SUGP2: variants seen among roughly 807,000 people sequenced by gnomAD.
SUGP2 encodes SURP and G-patch domain containing 2, also known as SURP and G-patch domain-containing protein 2.
Under a neutral mutation model 90.5 loss-of-function variants are expected in SUGP2, and 24 were observed. The observed-to-expected ratio is 0.27, with a 90% CI of 0.19 to 0.37. The LOEUF (loss-of-function observed/expected upper bound fraction) is 0.37, where lower values mean the gene tolerates loss of function less well. Among genes scored for constraint, SUGP2 ranks in the 10% least tolerant of loss-of-function variants. The pLI is 1.00. For synonymous variants in SUGP2, 473 were observed against 513.4 expected (o/e 0.92, Z 1.06); for missense variants, 1,233 against 1,363.3 (o/e 0.90, Z 1.51).
Position 19,024,614 on chromosome 19 carries a change from C to CT in SUGP2, c.1729+4dup, listed in dbSNP as rs1300934369. On this transcript the variant is annotated splice_donor_region_variant and intron_variant, in intron 3 of 10. Coordinates refer to ENST00000452918, the MANE Select transcript of SUGP2 (RefSeq NM_001017392.5). Reference sequence around the variant, plus strand: ...ACAAATAGAAACTTTGGCTGATTTCCTTACCATCACTCAGACTACTTGGAG... The same window carrying CT: ...ACAAATAGAAACTTTGGCTGATTTCCTTTACCATCACTCAGACTACTTGGAG... The CT allele has an allele frequency of 5.0e-6, 8 of 1,590,284 alleles. No individual in the cohort carries two copies. The highest frequency in any genetic ancestry group is 6.8e-6 in the Non-Finnish European group (8 of 1,168,724).
chr19:19,030,999 C>G lies in SUGP2; in HGVS notation c.73G>C (p.Asp25His). 6.2e-7 allele frequency: 1 copy of G among 1,613,872 alleles called. No homozygotes were observed. The highest frequency in any genetic ancestry group is 8.5e-7 in the Non-Finnish European group (1 of 1,179,958). The change falls in exon 2 of 11, where the codon GAT becomes CAT. Residue 25 changes from aspartate to histidine, a missense_variant. By Grantham distance (81) the Asp-to-His change is moderately conservative. This residue lies in a region of SUGP2 where 418 missense variants were observed against 399.9 expected (regional missense o/e 1.05). Coordinates refer to ENST00000452918, the MANE Select transcript of SUGP2 (RefSeq NM_001017392.5). ...TCGCTTACAGCCTCACCACTGGCATCCATGTGATATCGTTTGGCTTTTTCT... is the reference window on the plus strand; with the variant it reads ...TCGCTTACAGCCTCACCACTGGCATGCATGTGATATCGTTTGGCTTTTTCT... ...LQEKAKRYHM[D>H]ASGEAVSETL...
chr19:19,010,910 C>T (rs188838800), intron 4 of SUGP2, among the ~76,000 whole-genome samples: 6 of 151,932 alleles, frequency 3.9e-5, no homozygotes, highest in African/African-American at 1.2e-4. Context: ...GAGGCTGAGG[C>T]GGGAGGATTG....
chr19:19,009,666 G>A (rs1231683288), intron 5 of SUGP2, among the ~76,000 whole-genome samples, 189 bp downstream of exon 5: 1 of 152,162 alleles, frequency 6.6e-6, no homozygotes, highest in African/African-American at 2.4e-5. Context: ...GGAGCTGCAG[G>A]ACTCGCATGC....
At chr19:19,009,743 C>G (rs748004187) in intron 5 of SUGP2, 112 bp downstream of exon 5, 254 of 1,394,676 alleles carry the variant, frequency 1.8e-4, no homozygotes, top group Non-Finnish European at 1.9e-4. Context: ...GTCCCTAGAG[C>G]TTTTATCCAC....
intron 8 of SUGP2, among the ~76,000 whole-genome samples, chr19:18,999,462 G>A (rs1346356888): frequency 6.6e-6 from 1 of 152,182 alleles, no homozygotes; most frequent in Non-Finnish European, 1.5e-5. Flanking sequence ...CTACTCGGTG[G>A]CAGGGCTGAG....
chr19:19,030,215 C>G (rs1035265080), intron 2 of SUGP2, among the ~76,000 whole-genome samples: 1 of 151,952 alleles, frequency 6.6e-6, no homozygotes, highest in Admixed American at 6.6e-5. Flanking sequence ...CTGGGCTGGG[C>G]TCGGTGGCTC....
In SUGP2 at chr19:18,997,240, C is replaced by G. The variant is rs184356819; in HGVS notation, c.2992-1960G>C. Reference sequence around the variant, plus strand: ...GTGCATGTGGGAGGCACTCCAGAGACAAAGGAGCTTGGAGACAAGGCACAA... The same window carrying G: ...GTGCATGTGGGAGGCACTCCAGAGAGAAAGGAGCTTGGAGACAAGGCACAA... On this transcript the variant is annotated intron_variant, in intron 8 of 10. Coordinates refer to ENST00000452918, the MANE Select transcript of SUGP2 (RefSeq NM_001017392.5). Among the ~76,000 whole-genome samples, 15 of 151,880 alleles carry G rather than the reference C, an allele frequency of 9.9e-5. No individual in the cohort carries two copies. The East Asian group carries it at 2.9e-3, about 30-fold the overall frequency.
In SUGP2 at chr19:19,025,352, T is replaced by G; in HGVS notation, c.996A>C (p.Ile332=). 6.2e-7 allele frequency: 1 copy of G among 1,614,132 alleles called. No individual in the cohort carries two copies. The highest frequency in any genetic ancestry group is 8.5e-7 in the Non-Finnish European group (1 of 1,180,042). ...TGGTGTGGAATCCTGCCCATTTGAT[T>G]ATTTCTATCCCAAATCTTGAAAAAA... ...SDVFSRFGIE[I]IKWAGFHTIK... The change falls in exon 3 of 11, where the codon ATA becomes ATC. Residue 332 remains isoleucine (I), a synonymous_variant. Transcript: ENST00000452918.
intron 4 of SUGP2, among the ~76,000 whole-genome samples, chr19:19,013,821 T>G (rs1277319820): frequency 1.3e-5 from 2 of 152,178 alleles, no homozygotes; most frequent in Admixed American, 6.6e-5. Flanking sequence ...ATTTAGAAGA[T>G]GAGAGAAAAC....
In SUGP2 at chr19:19,018,483, C is replaced by T. The variant is rs144389044; in HGVS notation, c.1850+626G>A. Among the ~76,000 whole-genome samples the T allele has an allele frequency of 8.8e-3, 1,330 of 151,848 alleles. 15 individuals are homozygous for T. The highest frequency in any genetic ancestry group is 0.014 in the Non-Finnish European group (926 of 67,944). ...CAGGTGGATCATGAGGTCAGGAGAT[C>T]GAGACCATCCTGGCTAACACTATGA... On this transcript the variant is annotated intron_variant, in intron 4 of 10. Transcript: ENST00000452918.
chr19:19,003,537 G>A (rs1432066408), intron 7 of SUGP2: 3 of 152,484 alleles, frequency 2.0e-5, no homozygotes, highest in East Asian at 1.9e-4. Flanking sequence ...AATCGGGCAG[G>A]GGACTGCAAT....
intron 2 of SUGP2, among the ~76,000 whole-genome samples, chr19:19,027,745 C>A (rs564529751): frequency 6.6e-6 from 1 of 152,052 alleles, no homozygotes; most frequent in African/African-American, 2.4e-5. Flanking sequence ...TCAAGCGATT[C>A]TCCTGCCTCC....
Position 19,009,954 on chromosome 19 carries a change from G to C in SUGP2, c.2239C>G (p.Gln747Glu). ...CCTGAGGCTTCTAAGCTGGGGTCCTGAGGAGAAGGTCCAACTGGGTCTGGC... is the reference window on the plus strand; with the variant it reads ...CCTGAGGCTTCTAAGCTGGGGTCCTCAGGAGAAGGTCCAACTGGGTCTGGC... ...CPPDPVGPSP[Q>E]DPSLEASGPS... Residue 747 changes from glutamine to glutamate, a missense_variant, in exon 5 of 11, where the codon CAG (glutamine) becomes GAG (glutamate). Physicochemically the swap from Gln to Glu is conservative, Grantham distance 29. Transcript: ENST00000452918. The C allele has an allele frequency of 6.2e-7, 1 of 1,614,154 alleles. No homozygotes were observed. The highest frequency in any genetic ancestry group is 1.1e-5 in the South Asian group (1 of 91,072).
At chr19:19,010,934 G>A (rs917046214) in intron 4 of SUGP2, among the ~76,000 whole-genome samples, 5 of 151,690 alleles carry the variant, frequency 3.3e-5, no homozygotes, top group Non-Finnish European at 7.4e-5. Flanking sequence ...GAGCCCAGGA[G>A]TTCAAGACCA....
rs2059282008 is a variant in SUGP2, at chr19:19,033,509, G to A, written c.-84C>T. Reference sequence around the variant, plus strand: ...CTCACCCGCCGCCGCCGCCGCGCGAGGCGGGGACATGCAAATGAACCAACG... The same window carrying A: ...CTCACCCGCCGCCGCCGCCGCGCGAAGCGGGGACATGCAAATGAACCAACG... On this transcript the variant is annotated 5_prime_UTR_variant, in exon 1 of 11. Coordinates refer to ENST00000452918, the MANE Select transcript of SUGP2 (RefSeq NM_001017392.5). 1.4e-6 allele frequency: 2 copies of A among 1,405,214 alleles called. No individual in the cohort carries two copies. Among genetic ancestry groups the A allele is most frequent in the Non-Finnish European group, 1.9e-6 (2 of 1,078,834 alleles). The allele number at this position is 1,405,214 out of a possible 1,614,324, so 87.0% of individuals were successfully genotyped here. A position where few individuals can be genotyped will look rare whatever the true frequency, so the allele number is the denominator to read the frequency against.
At chr19:19,027,406 G>T (rs1285772243) in intron 2 of SUGP2, among the ~76,000 whole-genome samples, 2 of 152,240 alleles carry the variant, frequency 1.3e-5, no homozygotes, top group Admixed American at 1.3e-4. Context: ...TGTTCAACAA[G>T]TACAAACTGG....
At chr19:18,999,789 C>G (rs1312077155) in intron 8 of SUGP2, among the ~76,000 whole-genome samples, 3 of 152,214 alleles carry the variant, frequency 2.0e-5, no homozygotes, top group Admixed American at 2.0e-4. Context: ...CCAGGTGACC[C>G]TGCTTGCCCC....
At chr19:19,032,648 T>C (rs1286955760) in intron 1 of SUGP2, among the ~76,000 whole-genome samples, 1 of 152,012 alleles carries the variant, frequency 6.6e-6, no homozygotes, top group Admixed American at 6.6e-5. Context: ...AGGCGGGTCC[T>C]GTTATGAATG....
chr19:19,033,472 C>T lies in SUGP2; in HGVS notation c.-47G>A. 5 of 1,406,002 alleles carry T rather than the reference C, an allele frequency of 3.6e-6. No individual in the cohort carries two copies. Among genetic ancestry groups the T allele is most frequent in the Non-Finnish European group, 4.6e-6 (5 of 1,079,386 alleles). The allele number at this position is 1,406,002 out of a possible 1,614,324, so 87.1% of individuals were successfully genotyped here. ...CCGCGCGCGGAGCCACCCCCGCCGC[C>T]GCCTCAGGCTCCTCACCCGCCGCCG... is the stretch of plus-strand genomic sequence containing the variant. On this transcript the variant is annotated 5_prime_UTR_variant, in exon 1 of 11. Transcript: ENST00000452918.
Sources: gnomAD v4.1 joint callset for allele counts (sites outside exome capture counted in the v4.1 genomes callset) on GRCh38, gnomAD v4.1.1 for gene constraint, gnomAD v4.1.1 regional missense constraint, MANE v1.5 for transcripts, NCBI Gene and HGNC (gene_info 2026-07-23, HGNC 2026-07-21) for gene names.